The following INPP4B variants were observed in gnomAD, a reference collection of about 807,000 sequenced individuals.
INPP4B encodes inositol polyphosphate-4-phosphatase type II B.
In INPP4B, 55 loss-of-function variants were observed where a neutral mutation model predicts 122.5. The ratio of observed to expected loss-of-function variants is 0.45; its 90% CI spans 0.36 to 0.56. The LOEUF (loss-of-function observed/expected upper bound fraction) is 0.56. INPP4B is among the 20% of genes least tolerant of loss of function. INPP4B has a pLI of 0.00. For missense variants in INPP4B, 1,000 were observed against 1,097.7 expected, an observed-to-expected ratio of 0.91 and a Z score of 1.26; for synonymous variants, 403 against 388.7, an observed-to-expected ratio of 1.04 and a Z score of -0.43.
At chr4:142,436,633 G>C (rs770745499) in intron 3 of INPP4B, among the ~76,000 whole-genome samples, 1 of 152,058 alleles carries the variant, frequency 6.6e-6, no homozygotes, top group Non-Finnish European at 1.5e-5. Flanking sequence ...AGGGCCTGAA[G>C]TGAACCTCCA....
At chr4:142,055,115 A>C (rs1451157819) in intron 25 of INPP4B, among the ~76,000 whole-genome samples, 1 of 152,044 alleles carries the variant, frequency 6.6e-6, no homozygotes, top group Non-Finnish European at 1.5e-5. Flanking sequence ...TTTTTTGTGG[A>C]CCTACTTTGT....
At chr4:142,426,332 C>T (rs190166825) in intron 5 of INPP4B, 18 of 152,016 alleles carry the variant, frequency 1.2e-4, no homozygotes, top group African/African-American at 3.1e-4. Context: ...GATCCCTCTT[C>T]GTAAATGTCA....
chr4:142,743,142 A>T (rs1768144100), intron 1 of INPP4B, among the ~76,000 whole-genome samples: 1 of 151,972 alleles, frequency 6.6e-6, no homozygotes, highest in South Asian at 2.1e-4. Context: ...AAGTGGCCAA[A>T]ATATATTGGG....
At chr4:142,795,955 C>A (rs1375297395) in intron 1 of INPP4B, among the ~76,000 whole-genome samples, 1 of 151,954 alleles carries the variant, frequency 6.6e-6, no homozygotes, top group Non-Finnish European at 1.5e-5. Context: ...CTAATTTAAT[C>A]ACTATTTCCA....
intron 1 of INPP4B, among the ~76,000 whole-genome samples, chr4:142,808,883 A>G (rs1183736707): frequency 1.3e-5 from 2 of 152,300 alleles, no homozygotes; most frequent in African/African-American, 2.4e-5. Flanking sequence ...CTAAACAGCT[A>G]ATATTGTTAT....
At chr4:142,098,971 A>C (rs909271196) in intron 23 of INPP4B, among the ~76,000 whole-genome samples, 2 of 152,178 alleles carry the variant, frequency 1.3e-5, no homozygotes, top group Non-Finnish European at 2.9e-5. Context: ...ATTTAAAAGA[A>C]GCAGCCATAG....
chr4:142,522,622 G>A (rs1029373520), intron 2 of INPP4B, among the ~76,000 whole-genome samples: 26 of 152,068 alleles, frequency 1.7e-4, no homozygotes, highest in Non-Finnish European at 2.8e-4. Context: ...ATGAGAGAAG[G>A]GAGACGGTTT....
chr4:142,152,357 G>T (rs942671122), intron 17 of INPP4B, among the ~76,000 whole-genome samples: 4 of 151,866 alleles, frequency 2.6e-5, no homozygotes, highest in Non-Finnish European at 5.9e-5. Context: ...TTACAGGCGT[G>T]AGTCACCGCA....
At chr4:142,301,647 T>A (rs1735531020) in intron 9 of INPP4B, among the ~76,000 whole-genome samples, 1 of 152,172 alleles carries the variant, frequency 6.6e-6, no homozygotes, top group Non-Finnish European at 1.5e-5. Context: ...AACACATAAC[T>A]GGTAACATCA....
chr4:142,176,794 A>G (rs1828505282), intron 15 of INPP4B, among the ~76,000 whole-genome samples: 1 of 152,142 alleles, frequency 6.6e-6, no homozygotes, highest in Admixed American at 6.6e-5. Flanking sequence ...GAGCATCTTT[A>G]GAGACACCCT....
chr4:142,095,026 A>T (rs1781228692), intron 23 of INPP4B, among the ~76,000 whole-genome samples: 1 of 152,138 alleles, frequency 6.6e-6, no homozygotes, highest in Non-Finnish European at 1.5e-5. Flanking sequence ...GTAATCTGGG[A>T]CACTCATATA....
rs1838513 is a variant in INPP4B, at chr4:142,758,276, G to A, written c.-253-32375C>T. On this transcript the variant is annotated intron_variant, in intron 1 of 25. Coordinates refer to ENST00000262992, the MANE Select transcript of INPP4B (RefSeq NM_001101669.3). The stretch of plus-strand genomic sequence containing the variant: ...TCATGAAAGAAAGTAACATATTTAT[G>A]TTGAATAGTTAAGGTTTGACATGTG... 2.0e-5 allele frequency among the ~76,000 whole-genome samples: 3 copies of A among 152,242 alleles called. No individual in the cohort carries two copies. The East Asian group carries it at 5.8e-4, about 29-fold the overall frequency.
At chr4:142,259,983 T>G (rs1376448491) in intron 11 of INPP4B, among the ~76,000 whole-genome samples, 1 of 151,664 alleles carries the variant, frequency 6.6e-6, no homozygotes, top group African/African-American at 2.4e-5. Context: ...ATGATATTTG[T>G]TTTTTGTTCA....
intron 7 of INPP4B, among the ~76,000 whole-genome samples, chr4:142,350,987 A>G (rs998962205): frequency 3.9e-5 from 6 of 152,000 alleles, no homozygotes; most frequent in African/African-American, 4.8e-5. Context: ...TTGTTTTCCT[A>G]TGGGCTAGCT....
chr4:142,060,284 T>C (rs764472449), intron 25 of INPP4B, among the ~76,000 whole-genome samples: 1 of 152,186 alleles, frequency 6.6e-6, no homozygotes. Flanking sequence ...ACAGGAAATA[T>C]ATAATGCTCA....
intron 2 of INPP4B, among the ~76,000 whole-genome samples, chr4:142,643,780 T>G (rs1459356866): frequency 6.6e-6 from 1 of 152,124 alleles, no homozygotes; most frequent in Non-Finnish European, 1.5e-5. Flanking sequence ...TTTAAAAGCT[T>G]AAAGAAACAA....
chr4:142,196,605 C>A (rs1038183564), intron 14 of INPP4B, among the ~76,000 whole-genome samples: 1 of 152,166 alleles, frequency 6.6e-6, no homozygotes, highest in Admixed American at 6.5e-5. Flanking sequence ...TGCTCACCTT[C>A]CCCATTTTCT....
At chr4:142,463,640 C>T (rs1817165556) in intron 2 of INPP4B, among the ~76,000 whole-genome samples, 1 of 152,088 alleles carries the variant, frequency 6.6e-6, no homozygotes, top group African/African-American at 2.4e-5. Flanking sequence ...CCCTTAATCC[C>T]CACATGTTGT....
rs190978769 is a variant in INPP4B, at chr4:142,289,967, C to T, written c.503+15491G>A. 1.4e-3 allele frequency among the ~76,000 whole-genome samples: 206 copies of T among 152,260 alleles called. 2 individuals are homozygous for T. The highest frequency in any genetic ancestry group is 1.2e-3 in the Non-Finnish European group (83 of 68,018). On this transcript the variant is annotated intron_variant, in intron 9 of 25. Transcript: ENST00000262992. ...TTACCACCTCCCTGCAAACCACCAT[C>T]ACTCCTCCCTTGAATTAAGACAGAG... is the stretch of plus-strand genomic sequence containing the variant.
Sources: gnomAD v4.1 joint callset for allele counts (sites outside exome capture counted in the v4.1 genomes callset) on GRCh38, gnomAD v4.1.1 for gene constraint, MANE v1.5 for transcripts, NCBI Gene and HGNC (gene_info 2026-07-23, HGNC 2026-07-21) for gene names.